The following GMPR variants were observed in gnomAD, a reference collection of about 807,000 sequenced individuals.
The protein encoded by GMPR is guanosine monophosphate reductase.
A neutral mutation model predicts 38.4 loss-of-function variants in GMPR; 31 were observed. The observed-to-expected ratio is 0.81, with a 90% confidence interval of 0.61 to 1.09. The LOEUF is 1.09. GMPR is among the 50% of genes least tolerant of loss of function. GMPR has a pLI of 0.00. For missense variants in GMPR, 468 were observed against 453.7 expected (o/e 1.03, Z -0.29); for synonymous variants, 162 against 173.3 (o/e 0.93, Z 0.51).
At chr6:16,273,864 G>T (rs1279647767) in intron 4 of GMPR, among the ~76,000 whole-genome samples, 1 of 139,750 alleles carries the variant, frequency 7.2e-6, no homozygotes, top group African/African-American at 2.8e-5. Flanking sequence ...CGTCCAGGCT[G>T]GAGTACAGTG....
chr6:16,245,371 G>T (rs1758732880), intron 1 of GMPR, among the ~76,000 whole-genome samples: 1 of 152,202 alleles, frequency 6.6e-6, no homozygotes, highest in East Asian at 1.9e-4. Flanking sequence ...AGGCTAAAGG[G>T]CCAGAGCGGT....
intron 8 of GMPR, among the ~76,000 whole-genome samples, chr6:16,291,046 G>A (rs1429008580): frequency 6.6e-6 from 1 of 152,224 alleles, no homozygotes; most frequent in East Asian, 1.9e-4. Context: ...CCATAGGTGT[G>A]GTCTAGACCA....
chr6:16,272,813 T>G (rs933345915), intron 4 of GMPR, among the ~76,000 whole-genome samples: 1 of 152,146 alleles, frequency 6.6e-6, no homozygotes, highest in African/African-American at 2.4e-5. Flanking sequence ...TTTATGTGTA[T>G]GTCAGTTTTT....
intron 8 of GMPR, among the ~76,000 whole-genome samples, 161 bp downstream of exon 8, chr6:16,290,782 G>A (rs1014094259): frequency 1.3e-5 from 2 of 152,234 alleles, no homozygotes; most frequent in Non-Finnish European, 2.9e-5. Flanking sequence ...AGCATTTGCA[G>A]TGTTTGGGGT....
rs907403818 is a variant in GMPR at position 16,285,928 on chromosome 6, CT to C, written c.697+94del. The C allele has an allele frequency of 1.3e-5, 14 of 1,078,510 alleles. No individual in the cohort carries two copies. In the African/African-American group the frequency reaches 1.4e-4, roughly 11 times the overall value. 66.8% of individuals were successfully genotyped at this position (1,078,510 alleles called of 1,614,324 possible). A position where few individuals can be genotyped will look rare whatever the true frequency, so the allele number is the denominator to read the frequency against. ...TGGCAACCTGAATGAGGAGGGGGAC[CT>C]GGTGGGGAAGTTCTGGGTCTCCTGG... On this transcript the variant is annotated intron_variant, in intron 7 of 8. Transcript: ENST00000259727.
Position 16,254,546 on chromosome 6 carries a change from G to T in GMPR, c.292-16G>T, listed in dbSNP as rs568586753. The T allele has an allele frequency of 8.1e-6, 13 of 1,610,920 alleles. No individual in the cohort carries two copies. Among genetic ancestry groups the T allele is most frequent in the East Asian group, 2.2e-5 (1 of 44,840 alleles). On this transcript the variant is annotated splice_polypyrimidine_tract_variant and intron_variant, in intron 3 of 8. Coordinates refer to ENST00000259727, the MANE Select transcript of GMPR (RefSeq NM_006877.4). ...GCTACTGTTTATGCCTGTCTTCTTG[G>T]TTTATTTTGGTGCAGAATGTAGCCG... is the stretch of plus-strand genomic sequence containing the variant.
chr6:16,281,919 A>G (rs1462453063), intron 6 of GMPR, among the ~76,000 whole-genome samples: 1 of 152,196 alleles, frequency 6.6e-6, no homozygotes, highest in Non-Finnish European at 1.5e-5. Context: ...CTTTGCCCTC[A>G]GCTCAGTCCT....
At chr6:16,264,789 T>C (rs1378087767) in intron 4 of GMPR, among the ~76,000 whole-genome samples, 6 of 152,254 alleles carry the variant, frequency 3.9e-5, no homozygotes, top group African/African-American at 7.2e-5. Flanking sequence ...TTTTCACTTC[T>C]TTTGTGGTGG....
chr6:16,245,042 A>C (rs1172490875), intron 1 of GMPR, among the ~76,000 whole-genome samples: 1 of 152,170 alleles, frequency 6.6e-6, no homozygotes, highest in Non-Finnish European at 1.5e-5. Context: ...GAGTAATTTG[A>C]GACCAAGGAA....
chr6:16,252,264 A>T (rs1758889129), intron 3 of GMPR, among the ~76,000 whole-genome samples: 1 of 151,196 alleles, frequency 6.6e-6, no homozygotes, highest in South Asian at 2.1e-4. Flanking sequence ...AACTTCTTTT[A>T]TTTTTTTTGT....
chr6:16,247,791 CAGAG>C (rs10600676), intron 2 of GMPR, among the ~76,000 whole-genome samples: 4 of 151,862 alleles, frequency 2.6e-5, no homozygotes, highest in Non-Finnish European at 5.9e-5. Context: ...CAGATGTATA[CAGAG>C]AGAGAATCAG....
rs1305822472 is a variant in GMPR at position 16,254,625 on chromosome 6, G to T, written c.355G>T (p.Ala119Ser). Residue 119 changes from alanine to serine, a missense_variant, in exon 4 of 9, where the codon GCT (alanine) becomes TCT (serine). By Grantham distance (99) the Ala-to-Ser change is moderately conservative (BLOSUM62 1). Coordinates refer to ENST00000259727, the MANE Select transcript of GMPR (RefSeq NM_006877.4). ...GGAAAAGATGACCAGCATCCTGGAAGCTGTGCCACAGGTTAAGTTTATTTG... is the reference window on the plus strand; with the variant it reads ...GGAAAAGATGACCAGCATCCTGGAATCTGTGCCACAGGTTAAGTTTATTTG... ...DLEKMTSILE[A>S]VPQVKFICLD... is the part of the protein sequence containing the mutation. The T allele has an allele frequency of 1.9e-6, 3 of 1,613,606 alleles. No homozygotes were observed. The East Asian group carries it at 6.7e-5, about 36-fold the overall frequency.
At chr6:16,265,288 G>C (rs890119329) in intron 4 of GMPR, among the ~76,000 whole-genome samples, 6 of 152,140 alleles carry the variant, frequency 3.9e-5, no homozygotes, top group African/African-American at 1.4e-4. Flanking sequence ...TTTGAGTAGA[G>C]GTAATAGCAC....
At chr6:16,255,233 G>A (rs748052286) in intron 4 of GMPR, among the ~76,000 whole-genome samples, 25 of 151,970 alleles carry the variant, frequency 1.6e-4, no homozygotes, top group Non-Finnish European at 2.9e-4. Flanking sequence ...GGCTGGTCTC[G>A]AACTCCTGAC....
rs369777917 is a variant in GMPR, at chr6:16,247,002, A to T, written c.207+41A>T. ...TTTGTTTTTTCCCTTTGCTGCTCAC[A>T]CTGTGGACAGGTTATCAGGAGCCGA... is the stretch of plus-strand genomic sequence containing the variant. On this transcript the variant is annotated intron_variant, in intron 2 of 8. Coordinates refer to ENST00000259727, the MANE Select transcript of GMPR (RefSeq NM_006877.4). 6.3e-6 allele frequency: 10 copies of T among 1,599,218 alleles called. No homozygotes were observed. The African/African-American group carries it at 8.1e-5, about 13-fold the overall frequency.
chr6:16,243,894 C>T (rs941263401), intron 1 of GMPR, among the ~76,000 whole-genome samples: 3 of 152,208 alleles, frequency 2.0e-5, no homozygotes, highest in Non-Finnish European at 4.4e-5. Context: ...GTGTGCTCAC[C>T]TCCAACCCAG....
intron 7 of GMPR, chr6:16,289,847 A>ATTTTTTTTTTTTTTTTTTTT (rs1438743321): frequency 6.7e-5 from 6 of 90,122 alleles, no homozygotes; most frequent in Non-Finnish European, 1.2e-4. Flanking sequence ...GATACTGCCC[A>ATTTTTTTTTTTTTTTTTTTT]ATTTTTTTTT....
At chr6:16,288,587 C>T (rs1020955005) in intron 7 of GMPR, among the ~76,000 whole-genome samples, 1 of 152,056 alleles carries the variant, frequency 6.6e-6, no homozygotes, top group African/African-American at 2.4e-5. Context: ...ATGAGCGCCG[C>T]CCCCTGCTCC....
rs754958439 is a variant in GMPR at position 16,250,285 on chromosome 6, A to C, written c.209A>C (p.His70Pro). ...TAATGGTGCTGTTTTGTTTTCTAGCACTCCATGTTTACAGCAATTCATAAG... is the reference window on the plus strand; with the variant it reads ...TAATGGTGCTGTTTTGTTTTCTAGCCCTCCATGTTTACAGCAATTCATAAG... ...TFEMAAVMSQHSMFTAIHKHY... is the reference protein window; with the variant it reads ...TFEMAAVMSQPSMFTAIHKHY... Residue 70 changes from histidine (H) to proline (P), a missense_variant and splice_region_variant, in exon 3 of 9, where the codon CAC becomes CCC. Coordinates refer to ENST00000259727, the MANE Select transcript of GMPR (RefSeq NM_006877.4). 6.3e-7 allele frequency: 1 copy of C among 1,587,142 alleles called. No individual in the cohort carries two copies. Among genetic ancestry groups the C allele is most frequent in the Admixed American group, 1.7e-5 (1 of 59,936 alleles).
Sources: allele counts gnomAD v4.1 joint callset (sites outside exome capture counted in the v4.1 genomes callset), GRCh38; gene constraint gnomAD v4.1.1; transcripts MANE v1.5; gene names NCBI Gene and HGNC (gene_info 2026-07-23, HGNC 2026-07-21).